The following PEAK1 variants were observed in gnomAD, a reference collection of about 807,000 sequenced individuals.
PEAK1 encodes the protein pseudopodium enriched atypical kinase 1.
A neutral mutation model predicts 124.7 loss-of-function variants in PEAK1; 54 were observed. The observed-to-expected ratio is 0.43, with a 90% CI of 0.35 to 0.54. The LOEUF (loss-of-function observed/expected upper bound fraction) is 0.54. PEAK1 is among the 20% of genes least tolerant of loss of function. The probability of loss-of-function intolerance (pLI) is 0.01; values close to 1 mark genes in which losing one functional copy is unlikely to be tolerated. For synonymous variants in PEAK1, 719 were observed against 760.0 expected (o/e 0.95, Z 0.89); for missense variants, 2,046 against 2,134.5 (o/e 0.96, Z 0.82).
At chr15:77,270,830 T>C (rs1436044247) in intron 5 of PEAK1, among the ~76,000 whole-genome samples, 1 of 152,180 alleles carries the variant, frequency 6.6e-6, no homozygotes, top group East Asian at 1.9e-4. Flanking sequence ...TCCATTTGTT[T>C]GTGTCCTCTT....
At chr15:77,218,442 T>C (rs1462097352) in intron 6 of PEAK1, among the ~76,000 whole-genome samples, 2 of 152,086 alleles carry the variant, frequency 1.3e-5, no homozygotes, top group African/African-American at 2.4e-5. Context: ...TGTTGATAGA[T>C]TGTCAGATGT....
In PEAK1 at chr15:77,352,236, C is replaced by T. The variant is rs2067252258; in HGVS notation, c.-603+12927G>A. On this transcript the variant is annotated intron_variant, in intron 2 of 9. Transcript: ENST00000682557. ...AAAAATTATTAAAATCACTACTATC[C>T]TTAGATCAAGGCAGTAGGATTTGGT... The T allele has an allele frequency of 6.1e-6, 6 of 985,230 alleles. No individual in the cohort carries two copies. In the South Asian group the frequency reaches 1.9e-4, roughly 31 times the overall value. The allele number at this position is 985,230 out of a possible 1,614,324, so 61.0% of individuals were successfully genotyped here.
At chr15:77,189,175 T>C (rs2057703818) in intron 6 of PEAK1, among the ~76,000 whole-genome samples, 1 of 152,112 alleles carries the variant, frequency 6.6e-6, no homozygotes. Flanking sequence ...CACTCCAGCC[T>C]AGGCAACAGA....
intron 1 of PEAK1, among the ~76,000 whole-genome samples, chr15:77,406,508 C>T (rs953664186): frequency 1.3e-5 from 2 of 152,134 alleles, no homozygotes; most frequent in African/African-American, 2.4e-5. Flanking sequence ...AGAATCAAAT[C>T]AATAACTCAA....
intron 9 of PEAK1, among the ~76,000 whole-genome samples, chr15:77,130,887 T>C (rs1435674916): frequency 6.6e-6 from 1 of 152,200 alleles, no homozygotes; most frequent in African/African-American, 2.4e-5. Context: ...TGAACAGTTA[T>C]TAGGGACATT....
At chr15:77,264,714 A>G (rs573779398) in intron 5 of PEAK1, among the ~76,000 whole-genome samples, 3 of 152,252 alleles carry the variant, frequency 2.0e-5, no homozygotes, top group East Asian at 3.9e-4. Flanking sequence ...CATCCCCATC[A>G]AGCTACCAAT....
Position 77,180,902 on chromosome 15 carries a change from G to A in PEAK1, c.1025C>T (p.Thr342Ile). 1 of 1,614,084 alleles carries A rather than the reference G, an allele frequency of 6.2e-7. No homozygotes were observed. The highest frequency in any genetic ancestry group is 1.1e-5 in the South Asian group (1 of 91,088). ...TTCTGTTAAAGAAGAATCTGGTGAT[G>A]TGGAGTCAGATGACACCATGCTCTG... is the stretch of plus-strand genomic sequence containing the variant. ...SIQSMVSSDS[T>I]SPDSSLTEES... Residue 342 changes from threonine to isoleucine, a missense_variant, in exon 7 of 10, where the codon ACA (threonine) becomes ATA (isoleucine). Transcript: ENST00000682557.
At chr15:77,346,067 T>A in intron 2 of PEAK1, 3 of 985,358 alleles carry the variant, frequency 3.0e-6, no homozygotes, top group Non-Finnish European at 3.6e-6. Context: ...TTCCATAGAG[T>A]TAATCGAAGG....
At chr15:77,139,986 T>C (rs1046031366) in intron 8 of PEAK1, among the ~76,000 whole-genome samples, 2 of 152,034 alleles carry the variant, frequency 1.3e-5, no homozygotes, top group African/African-American at 4.8e-5. Context: ...AAGGTCTAGA[T>C]AGAATCAACA....
At chr15:77,344,003 T>C (rs1219715794) in intron 2 of PEAK1, among the ~76,000 whole-genome samples, 1 of 152,240 alleles carries the variant, frequency 6.6e-6, no homozygotes, top group African/African-American at 2.4e-5. Flanking sequence ...GCACGATTCG[T>C]TGAAAAGACT....
intron 9 of PEAK1, among the ~76,000 whole-genome samples, chr15:77,121,744 G>A (rs1437508580): frequency 2.0e-5 from 3 of 152,142 alleles, no homozygotes; most frequent in Admixed American, 2.0e-4. Flanking sequence ...CCTACTTCCA[G>A]TTTATCAGCA....
chr15:77,386,907 G>C (rs891186621), intron 1 of PEAK1, among the ~76,000 whole-genome samples: 7 of 152,158 alleles, frequency 4.6e-5, no homozygotes, highest in African/African-American at 1.7e-4. Flanking sequence ...TCAGCAGATG[G>C]AGAGGGATCC....
intron 5 of PEAK1, among the ~76,000 whole-genome samples, chr15:77,260,439 A>G (rs2061379559): frequency 6.6e-6 from 1 of 152,138 alleles, no homozygotes; most frequent in Non-Finnish European, 1.5e-5. Flanking sequence ...ATAGAAAGAA[A>G]CCCAGAAATG....
intron 8 of PEAK1, among the ~76,000 whole-genome samples, chr15:77,148,861 G>A (rs1016642267): frequency 1.3e-5 from 2 of 152,186 alleles, no homozygotes; most frequent in Admixed American, 6.5e-5. Flanking sequence ...GTTTGAGGCT[G>A]CAGTGAGCTA....
In PEAK1 at chr15:77,180,834, A is replaced by G. The variant is rs1252420019; in HGVS notation, c.1093T>C (p.Cys365Arg). The change falls in exon 7 of 10, where the codon TGT becomes CGT. Residue 365 changes from cysteine to arginine, a missense_variant. Physicochemically the swap from Cys to Arg is radical, Grantham distance 180. Coordinates refer to ENST00000682557, the MANE Select transcript of PEAK1 (RefSeq NM_001385026.1). ...TTACCAGGAGATAATCCCCCATTAC[A>G]AATCTTCTGGGATAAACTACTGGCT... ...ETASSLSQKICNGGLSPGNPG... is the reference protein window; with the variant it reads ...ETASSLSQKIRNGGLSPGNPG... The G allele has an allele frequency of 1.2e-6, 2 of 1,613,718 alleles. No homozygotes were observed. The highest frequency in any genetic ancestry group is 2.2e-5 in the South Asian group (2 of 91,072).
chr15:77,187,728 A>C (rs549658170), intron 6 of PEAK1, among the ~76,000 whole-genome samples: 10 of 152,334 alleles, frequency 6.6e-5, no homozygotes, highest in Admixed American at 6.5e-4. Context: ...ATGGAGGCAG[A>C]GTCAAGAATC....
intron 1 of PEAK1, chr15:77,370,712 T>C (rs1463100711): frequency 6.1e-6 from 6 of 985,044 alleles, no homozygotes; most frequent in Non-Finnish European, 7.2e-6. Flanking sequence ...GCATATGTCT[T>C]CAGATAACTT....
At chr15:77,269,774 T>C (rs993536185) in intron 5 of PEAK1, among the ~76,000 whole-genome samples, 6 of 152,206 alleles carry the variant, frequency 3.9e-5, no homozygotes, top group Non-Finnish European at 8.8e-5. Context: ...ATCGAAATTA[T>C]ACAAAGCACT....
At chr15:77,412,280 C>T (rs1471546544) in intron 1 of PEAK1, among the ~76,000 whole-genome samples, 2 of 152,188 alleles carry the variant, frequency 1.3e-5, no homozygotes, top group Non-Finnish European at 2.9e-5. Context: ...TGTTCAACTG[C>T]TGACTTAATA....
Sources: gnomAD v4.1 joint callset for allele counts (sites outside exome capture counted in the v4.1 genomes callset) on GRCh38, gnomAD v4.1.1 for gene constraint, MANE v1.5 for transcripts, NCBI Gene and HGNC (gene_info 2026-07-23, HGNC 2026-07-21) for gene names.